POLD3: variants seen among roughly 807,000 people sequenced by gnomAD.
POLD3 encodes DNA polymerase delta subunit 3.
In POLD3, 19 loss-of-function variants were observed where a neutral mutation model predicts 58.2. The observed-to-expected ratio is 0.33, with a 90% CI of 0.23 to 0.48. The LOEUF is 0.48. POLD3 is among the 20% of genes least tolerant of loss of function. POLD3 has a pLI of 0.99. For synonymous variants in POLD3, 172 were observed against 193.5 expected, an observed-to-expected ratio of 0.89 and a Z score of 0.92; for missense variants, 504 against 545.5, an observed-to-expected ratio of 0.92 and a Z score of 0.76.
In POLD3 at chr11:74,642,135, T is replaced by C; in HGVS notation, c.*1369T>C. On this transcript the variant is annotated 3_prime_UTR_variant, in exon 12 of 12. Transcript: ENST00000263681. ...GTATGTCGTAAGTGATGCAATCAGC[T>C]GTCTGCTTTTTAAGGTTGGGATTGT... 2.0e-6 allele frequency: 2 copies of C among 985,468 alleles called. No individual in the cohort carries two copies. The highest frequency in any genetic ancestry group is 2.4e-6 in the Non-Finnish European group (2 of 829,930). The allele number at this position is 985,468 out of a possible 1,614,324, so 61.0% of individuals were successfully genotyped here. A position where few individuals can be genotyped will look rare whatever the true frequency, so the allele number is the denominator to read the frequency against.
chr11:74,604,596 A>G (rs2031612668), intron 2 of POLD3, 96 bp from the exon 3 acceptor site: 1 of 718,622 alleles, frequency 1.4e-6, no homozygotes, highest in Non-Finnish European at 2.4e-6. Context: ...TTGATGGACT[A>G]CCAGATTTCA....
chr11:74,649,680 C>T (rs991328732), intron 4 of POLD3, among the ~76,000 whole-genome samples: 3 of 152,132 alleles, frequency 2.0e-5, no homozygotes, highest in South Asian at 2.1e-4. Context: ...TCTTCCCAGC[C>T]TGTACACTTT....
intron 3 of POLD3, among the ~76,000 whole-genome samples, chr11:74,607,206 A>G (rs943385766): frequency 6.7e-6 from 1 of 150,364 alleles, no homozygotes; most frequent in Non-Finnish European, 1.5e-5. Flanking sequence ...GAAAAAAGAC[A>G]TTACGCAGCT....
At chr11:74,593,399 G>A (rs1160074912) in intron 1 of POLD3, among the ~76,000 whole-genome samples, 1 of 152,136 alleles carries the variant, frequency 6.6e-6, no homozygotes, top group African/African-American at 2.4e-5. Flanking sequence ...TTTCAACCTA[G>A]GTCTGTCCTC....
downstream of POLD3, among the ~76,000 whole-genome samples, chr11:74,643,526 T>C (rs2032962479): frequency 6.6e-6 from 1 of 152,048 alleles, no homozygotes; most frequent in Non-Finnish European, 1.5e-5. Flanking sequence ...CCCAGGAGGA[T>C]GGGTATCAAG....
chr11:74,649,667 A>G (rs2033043353), intron 4 of POLD3, among the ~76,000 whole-genome samples: 1 of 152,172 alleles, frequency 6.6e-6, no homozygotes, highest in South Asian at 2.1e-4. Flanking sequence ...TACATGTTAT[A>G]TGTCTTCCCA....
chr11:74,634,100 G>T (rs1260550086), intron 9 of POLD3, among the ~76,000 whole-genome samples: 1 of 152,192 alleles, frequency 6.6e-6, no homozygotes, highest in Non-Finnish European at 1.5e-5. Context: ...GGCGGCATGG[G>T]ATAGTTGGAA....
At chr11:74,661,322 G>A (rs569927486) in intron 4 of POLD3, among the ~76,000 whole-genome samples, 1 of 152,276 alleles carries the variant, frequency 6.6e-6, no homozygotes, top group South Asian at 2.1e-4. Context: ...GTCTGGCCTT[G>A]TTTGTACCTG....
intron 4 of POLD3, among the ~76,000 whole-genome samples, chr11:74,658,308 T>C (rs1284503734): frequency 6.6e-6 from 1 of 151,984 alleles, no homozygotes; most frequent in Non-Finnish European, 1.5e-5. Flanking sequence ...TTCAATTACC[T>C]CCCCCGGGGT....
intron 4 of POLD3, among the ~76,000 whole-genome samples, chr11:74,660,943 A>C (rs947254943): frequency 6.6e-6 from 1 of 151,956 alleles, no homozygotes; most frequent in African/African-American, 2.4e-5. Context: ...CTTCAAGCTC[A>C]CTAATTCTTT....
intron 4 of POLD3, among the ~76,000 whole-genome samples, chr11:74,648,410 C>T (rs1352242515): frequency 2.6e-5 from 4 of 152,202 alleles, no homozygotes; most frequent in East Asian, 1.9e-4. Flanking sequence ...TGTCCTTCCT[C>T]CTCCTGTGTA....
intron 11 of POLD3, among the ~76,000 whole-genome samples, chr11:74,639,916 T>C (rs917065602): frequency 6.6e-6 from 1 of 152,244 alleles, no homozygotes; most frequent in African/African-American, 2.4e-5. Context: ...ATAGTTAACC[T>C]TCATGATACA....
intron 5 of POLD3, 93 bp downstream of exon 5, chr11:74,613,103 CTA>C (rs2031969362): frequency 5.6e-6 from 6 of 1,065,740 alleles, no homozygotes; most frequent in Non-Finnish European, 8.2e-6. Context: ...AATGCCAAGT[CTA>C]GTAAAACCCC....
intron 3 of POLD3, 97 bp downstream of exon 3, chr11:74,604,891 G>A: frequency 1.5e-6 from 1 of 675,156 alleles, no homozygotes; most frequent in Non-Finnish European, 2.6e-6. Flanking sequence ...AAGATTCTGT[G>A]TTATAGTAGT....
At chr11:74,628,775 A>G (rs2032503998) in intron 8 of POLD3, 1 of 152,722 alleles carries the variant, frequency 6.5e-6, no homozygotes, top group East Asian at 1.9e-4. Flanking sequence ...GTCCAGTTAA[A>G]TCTACCACAT....
chr11:74,646,633 T>G (rs370615660), downstream of POLD3, among the ~76,000 whole-genome samples: 15 of 152,364 alleles, frequency 9.8e-5, no homozygotes, highest in Admixed American at 9.8e-4. Context: ...AACATTGTTT[T>G]CCTTGAAAAA....
At chr11:74,625,040 A>C (rs977619557) in intron 7 of POLD3, among the ~76,000 whole-genome samples, 13 of 152,244 alleles carry the variant, frequency 8.5e-5, no homozygotes, top group African/African-American at 2.9e-4. Flanking sequence ...GTCTTGCTGC[A>C]AATCGTTGTC....
chr11:74,634,693 A>G lies in POLD3; in HGVS notation c.1117A>G (p.Lys373Glu). The change falls in exon 10 of 12, where the codon AAG becomes GAG. Residue 373 changes from lysine to glutamate, a missense_variant and splice_region_variant. Coordinates refer to ENST00000263681, the MANE Select transcript of POLD3 (RefSeq NM_006591.3). ...GACTGAGCCTGAACCTCCTTCTGTC[A>G]AGGTAAAATTATACTGGGATTCTTG... Reference protein sequence around the residue: ...PKTEPEPPSVKSSSGENKRKR... With the variant: ...PKTEPEPPSVESSSGENKRKR... 6.4e-7 allele frequency: 1 copy of G among 1,559,298 alleles called. No homozygotes were observed. Among genetic ancestry groups the G allele is most frequent in the African/African-American group, 1.4e-5 (1 of 73,884 alleles).
At chr11:74,662,210 AC>A (rs1484813407) in intron 4 of POLD3, among the ~76,000 whole-genome samples, 1 of 152,212 alleles carries the variant, frequency 6.6e-6, no homozygotes, top group Admixed American at 6.5e-5. Flanking sequence ...TAAGTGTAAG[AC>A]AAAGTCCCCT....
Sources: allele counts gnomAD v4.1 joint callset (sites outside exome capture counted in the v4.1 genomes callset), GRCh38; gene constraint gnomAD v4.1.1; transcripts MANE v1.5; gene names NCBI Gene and HGNC (gene_info 2026-07-23, HGNC 2026-07-21).